TMC5: variants seen among roughly 807,000 people sequenced by gnomAD.
TMC5 encodes transmembrane channel-like protein 5.
TMC5 carries 86 observed loss-of-function variants against 110.5 expected under a neutral mutation model. The ratio of observed to expected loss-of-function variants is 0.78; its 90% CI spans 0.65 to 0.93. The LOEUF is 0.93. Among genes scored for constraint, TMC5 ranks in the 40% least tolerant of loss-of-function variants. TMC5 has a pLI of 0.00. For synonymous variants in TMC5, 455 were observed against 439.5 expected (o/e 1.04, Z -0.44); for missense variants, 1,144 against 1,222.8 (o/e 0.94, Z 0.96).
upstream of TMC5, among the ~76,000 whole-genome samples, chr16:19,414,373 T>G (rs913640776): frequency 6.6e-6 from 1 of 152,198 alleles, no homozygotes; most frequent in African/African-American, 2.4e-5. Context: ...AAAAATTTAT[T>G]TATAAAAATA....
At chr16:19,428,523 T>C (rs1967132735) in intron 1 of TMC5, among the ~76,000 whole-genome samples, 1 of 152,206 alleles carries the variant, frequency 6.6e-6, no homozygotes. Flanking sequence ...TTCAGTGTTA[T>C]AAGACGCATT....
At chr16:19,427,469 A>G (rs1323570156) in intron 1 of TMC5, among the ~76,000 whole-genome samples, 2 of 152,180 alleles carry the variant, frequency 1.3e-5, no homozygotes, top group African/African-American at 2.4e-5. Context: ...AGAAAAATAA[A>G]TAAACAATTT....
chr16:19,487,389 C>T (rs1043595203), intron 17 of TMC5, 63 bp downstream of exon 17: 31 of 1,556,422 alleles, frequency 2.0e-5, no homozygotes, highest in South Asian at 9.8e-5. Flanking sequence ...TGTTTTAAAA[C>T]GTAGGTTTTA....
intron 1 of TMC5, among the ~76,000 whole-genome samples, chr16:19,419,503 C>T (rs769845857): frequency 1.3e-5 from 2 of 148,422 alleles, no homozygotes; most frequent in African/African-American, 2.5e-5. Context: ...AGCTCCGCCT[C>T]CCAGGTTCAC....
intron 6 of TMC5, among the ~76,000 whole-genome samples, 179 bp downstream of exon 6, chr16:19,460,513 TC>T (rs780806434): frequency 6.6e-6 from 1 of 152,172 alleles, no homozygotes; most frequent in Non-Finnish European, 1.5e-5. Context: ...ACAGCTTAAT[TC>T]CTGCTCCTGG....
rs779688719 is a variant in TMC5 at position 19,474,164 on chromosome 16, C to T, written c.1978C>T (p.Leu660=). The change falls in exon 12 of 22, where the codon CTG becomes TTG. Residue 660 remains leucine (L), a synonymous_variant. Transcript: ENST00000542583. ...THSNPGAVLL[L]PFVVSCINLA... is the part of the protein sequence containing the mutation. The stretch of plus-strand genomic sequence containing the variant: ...CAGTAACCCTGGGGCGGTGCTGTTA[C>T]TGCCTTTCGTTGTGTCCTGCATTAA... The T allele has an allele frequency of 5.6e-6, 9 of 1,614,070 alleles. No homozygotes were observed. The highest frequency in any genetic ancestry group is 7.6e-6 in the Non-Finnish European group (9 of 1,180,026).
chr16:19,434,398 A>ATATATCTATATATAATATG lies in TMC5; in HGVS notation c.-80+3763_-80+3764insCTATATATAATATGTATAT, dbSNP rs1567300698. On this transcript the variant is annotated intron_variant, in intron 2 of 21. Transcript: ENST00000542583. ...GATCTATATATAATATAGATATAATATATATATCATATATATCTATATATA... is the reference window on the plus strand; with the variant it reads ...GATCTATATATAATATAGATATAATATATATCTATATATAATATGTATATATCATATATATCTATATATA... Among the ~76,000 whole-genome samples, 12 of 41,766 alleles carry ATATATCTATATATAATATG rather than the reference A, an allele frequency of 2.9e-4. No homozygotes were observed. In the South Asian group the frequency reaches 4.5e-3, roughly 16 times the overall value. 27.4% of individuals were successfully genotyped at this position (41,766 alleles called of 152,430 possible).
chr16:19,497,880 G>T (rs531603311), intron 21 of TMC5, 40 bp from the exon 22 acceptor site: 2 of 1,604,230 alleles, frequency 1.2e-6, no homozygotes, highest in Admixed American at 1.7e-5. Context: ...ATGGGGCAGA[G>T]TGTGCCTGCG....
At chr16:19,438,808 TAAAAG>T (rs754277362) in intron 2 of TMC5, among the ~76,000 whole-genome samples, 1 of 152,154 alleles carries the variant, frequency 6.6e-6, no homozygotes, top group Non-Finnish European at 1.5e-5. Flanking sequence ...TTCAAAGTGT[TAAAAG>T]AAAAACTTTA....
At chr16:19,435,480 C>T (rs968002690) in intron 2 of TMC5, among the ~76,000 whole-genome samples, 1 of 151,368 alleles carries the variant, frequency 6.6e-6, no homozygotes, top group Non-Finnish European at 1.5e-5. Context: ...CCAGCCTGGG[C>T]GCAGAGTGAG....
At chr16:19,432,673 G>A (rs1447989802) in intron 2 of TMC5, among the ~76,000 whole-genome samples, 1 of 152,160 alleles carries the variant, frequency 6.6e-6, no homozygotes, top group African/African-American at 2.4e-5. Context: ...ATTTGTTGCA[G>A]TGCAGGTGGT....
intron 3 of TMC5, among the ~76,000 whole-genome samples, chr16:19,441,252 C>T (rs547306755): frequency 2.9e-4 from 44 of 150,348 alleles, no homozygotes; most frequent in Non-Finnish European, 6.1e-4. Context: ...TCCGTGAAGT[C>T]GATTAGTTTT....
chr16:19,423,172 C>T (rs1278038985), intron 1 of TMC5, among the ~76,000 whole-genome samples: 1 of 152,192 alleles, frequency 6.6e-6, no homozygotes, highest in Non-Finnish European at 1.5e-5. Context: ...TTGTTTCCTT[C>T]ATAGCGATAA....
At chr16:19,460,804 T>C (rs952128262) in intron 6 of TMC5, among the ~76,000 whole-genome samples, 2 of 152,226 alleles carry the variant, frequency 1.3e-5, no homozygotes, top group African/African-American at 4.8e-5. Flanking sequence ...CTTGAAACTG[T>C]CAAAGTCATC....
upstream of TMC5, among the ~76,000 whole-genome samples, chr16:19,417,093 T>TAAA (rs1966881791): frequency 4.6e-4 from 2 of 4,380 alleles, no homozygotes; most frequent in African/African-American, 2.0e-3. Context: ...GACTCAGTCT[T>TAAA]CAAAAAAAAA....
At chr16:19,432,726 T>C (rs772569760) in intron 2 of TMC5, among the ~76,000 whole-genome samples, 1 of 152,228 alleles carries the variant, frequency 6.6e-6, no homozygotes, top group Non-Finnish European at 1.5e-5. Flanking sequence ...AGATGTGCAA[T>C]ACACAAGCTC....
At chr16:19,474,510 G>A (rs867233643) in intron 12 of TMC5, among the ~76,000 whole-genome samples, 1 of 152,034 alleles carries the variant, frequency 6.6e-6, no homozygotes, top group Non-Finnish European at 1.5e-5. Context: ...CAACATAGCC[G>A]GATGCTGGCT....
intron 2 of TMC5, among the ~76,000 whole-genome samples, chr16:19,436,418 G>A (rs1032625373): frequency 2.0e-5 from 3 of 152,128 alleles, no homozygotes; most frequent in African/African-American, 7.2e-5. Flanking sequence ...TCGTTCAGCT[G>A]GTTAGATGTA....
chr16:19,470,336 C>G (rs1968305638), intron 10 of TMC5, among the ~76,000 whole-genome samples: 1 of 152,106 alleles, frequency 6.6e-6, no homozygotes, highest in African/African-American at 2.4e-5. Flanking sequence ...TTACAGGCAC[C>G]TGCCACCTCA....
Sources: gnomAD v4.1 joint callset for allele counts (sites outside exome capture counted in the v4.1 genomes callset) on GRCh38, gnomAD v4.1.1 for gene constraint, MANE v1.5 for transcripts, NCBI Gene and HGNC (gene_info 2026-07-23, HGNC 2026-07-21) for gene names.